Variants in SLC10A2 observed in about 807,000 individuals in gnomAD.
SLC10A2 encodes ileal sodium/bile acid cotransporter.
A neutral mutation model predicts 27.1 loss-of-function variants in SLC10A2; 34 were observed. The ratio of observed to expected loss-of-function variants is 1.26; its 90% confidence interval spans 0.96 to 1.67. The LOEUF (loss-of-function observed/expected upper bound fraction) is 1.67. Among genes scored for constraint, SLC10A2 ranks in the 40% most tolerant of loss-of-function variants. The probability of loss-of-function intolerance (pLI) is 0.00; values close to 1 mark genes in which losing one functional copy is unlikely to be tolerated. For missense variants in SLC10A2, 530 were observed against 444.4 expected (o/e 1.19, Z -1.73); for synonymous variants, 205 against 174.0 (o/e 1.18, Z -1.40).
intron 5 of SLC10A2, among the ~76,000 whole-genome samples, chr13:103,048,973 C>T (rs534732280): frequency 5.9e-5 from 9 of 152,290 alleles, no homozygotes; most frequent in Admixed American, 2.0e-4. Context: ...AGTTCCTGGG[C>T]GAATGCCAGA....
intron 4 of SLC10A2, among the ~76,000 whole-genome samples, chr13:103,050,101 A>G (rs1217471913): frequency 6.6e-6 from 1 of 152,208 alleles, no homozygotes; most frequent in Non-Finnish European, 1.5e-5. Context: ...GTGAGCTATG[A>G]TTGTGCCACT....
intron 4 of SLC10A2, among the ~76,000 whole-genome samples, chr13:103,050,228 A>T (rs1875735547): frequency 6.6e-6 from 1 of 152,204 alleles, no homozygotes; most frequent in East Asian, 1.9e-4. Flanking sequence ...TCTACAGATG[A>T]TAAAACTCAG....
intron 3 of SLC10A2, among the ~76,000 whole-genome samples, chr13:103,051,762 C>T (rs915595937): frequency 1.3e-5 from 2 of 152,208 alleles, no homozygotes; most frequent in Non-Finnish European, 2.9e-5. Context: ...CCAGATTCAA[C>T]TACTCCTATT....
intron 5 of SLC10A2, among the ~76,000 whole-genome samples, chr13:103,048,766 A>G (rs1298756868): frequency 6.6e-6 from 1 of 152,210 alleles, no homozygotes; most frequent in Non-Finnish European, 1.5e-5. Context: ...ACTTTACATA[A>G]GGAACATTTT....
intron 4 of SLC10A2, among the ~76,000 whole-genome samples, chr13:103,050,254 T>G (rs949998619): frequency 6.6e-6 from 1 of 152,216 alleles, no homozygotes; most frequent in Non-Finnish European, 1.5e-5. Flanking sequence ...GAGTGAATGC[T>G]GGGCCTGAGG....
intron 2 of SLC10A2, among the ~76,000 whole-genome samples, chr13:103,053,377 G>A (rs1875845484): frequency 6.6e-6 from 1 of 152,120 alleles, no homozygotes. Context: ...GAACTCTCAT[G>A]TAATTATAGT....
chr13:103,052,709 C>T lies in SLC10A2; in HGVS notation c.497-1G>A, dbSNP rs866975603. 1 of 1,576,326 alleles carries T rather than the reference C, an allele frequency of 6.3e-7. No individual in the cohort carries two copies. The highest frequency in any genetic ancestry group is 1.4e-5 in the African/African-American group (1 of 74,034). ...ACAACGAGAGAAACCAGAGATGTAC[C>T]TAAAGATGACAGAAGGGCAATGTGA... On this transcript the variant is annotated splice_acceptor_variant, in intron 2 of 5. Coordinates refer to ENST00000245312, the MANE Select transcript of SLC10A2 (RefSeq NM_000452.3). LOFTEE classifies it high-confidence loss of function.
chr13:103,054,857 T>C (rs145766141), intron 2 of SLC10A2, among the ~76,000 whole-genome samples: 1 of 152,248 alleles, frequency 6.6e-6, no homozygotes, highest in East Asian at 1.9e-4. Context: ...TCTTTCCCCA[T>C]GCTCTGTTTG....
intron 5 of SLC10A2, among the ~76,000 whole-genome samples, chr13:103,048,907 T>C (rs548825679): frequency 2.0e-5 from 3 of 152,212 alleles, no homozygotes; most frequent in Non-Finnish European, 4.4e-5. Context: ...CTGATAAATA[T>C]CCTATATTTA....
intron 2 of SLC10A2, among the ~76,000 whole-genome samples, chr13:103,057,663 G>C (rs1875978903): frequency 6.6e-6 from 1 of 152,128 alleles, no homozygotes; most frequent in African/African-American, 2.4e-5. Flanking sequence ...CAGATCACTT[G>C]AGGTCAGGAG....
intron 4 of SLC10A2, among the ~76,000 whole-genome samples, chr13:103,050,278 G>T (rs1457815982): frequency 6.6e-6 from 1 of 152,208 alleles, no homozygotes; most frequent in African/African-American, 2.4e-5. Context: ...CCCGGGCAGT[G>T]TGTGGTCGGA....
chr13:103,051,215 T>G lies in SLC10A2; in HGVS notation c.761+42A>C, dbSNP rs1350790927. 2.5e-6 allele frequency: 4 copies of G among 1,596,832 alleles called. No individual in the cohort carries two copies. The Admixed American group carries it at 6.7e-5, about 27-fold the overall frequency. On this transcript the variant is annotated intron_variant, in intron 4 of 5. Transcript: ENST00000245312. ...CTCTAGCAAAGGAATACAACAGATA[T>G]TACAGATTAAAATTCCCAATGTGAT...
chr13:103,058,504 T>C (rs1876009057), intron 1 of SLC10A2, 122 bp from the exon 2 acceptor site: 2 of 700,318 alleles, frequency 2.9e-6, no homozygotes, highest in Admixed American at 2.1e-5. Flanking sequence ...ATGTTTGTTA[T>C]ATAGGTCAAC....
intron 2 of SLC10A2, among the ~76,000 whole-genome samples, chr13:103,057,952 G>A (rs1260383792): frequency 1.5e-4 from 23 of 152,066 alleles, no homozygotes. Context: ...TGACACTCTG[G>A]GTTAAGGAAT....
intron 5 of SLC10A2, 61 bp downstream of exon 5, chr13:103,049,228 T>C (rs1875696941): frequency 1.3e-6 from 2 of 1,589,442 alleles, no homozygotes; most frequent in Admixed American, 1.7e-5. Context: ...AAAAATGTTG[T>C]TTTAGCAACT....
chr13:103,053,542 A>G (rs547720954), intron 2 of SLC10A2, among the ~76,000 whole-genome samples: 3 of 152,328 alleles, frequency 2.0e-5, no homozygotes, highest in South Asian at 2.1e-4. Context: ...TTTAGCACCA[A>G]CAACTTCTAA....
chr13:103,050,116 T>C (rs185709453), intron 4 of SLC10A2, among the ~76,000 whole-genome samples: 231 of 152,256 alleles, frequency 1.5e-3, no homozygotes, highest in Admixed American at 0.012. Context: ...GCCACTGGAC[T>C]CCAGCCTGGG....
intron 2 of SLC10A2, among the ~76,000 whole-genome samples, chr13:103,054,795 A>AG (rs1240027842): frequency 1.3e-5 from 2 of 152,062 alleles, no homozygotes; most frequent in African/African-American, 4.8e-5. Flanking sequence ...TTCTGCTTGT[A>AG]GAGGTGGATG....
At chr13:103,056,763 A>G (rs1459696008) in intron 2 of SLC10A2, among the ~76,000 whole-genome samples, 1 of 151,984 alleles carries the variant, frequency 6.6e-6, no homozygotes, top group Non-Finnish European at 1.5e-5. Flanking sequence ...GTTATATATG[A>G]TATTAAGGTT....
Sources: gnomAD v4.1 joint callset for allele counts (sites outside exome capture counted in the v4.1 genomes callset) on GRCh38, gnomAD v4.1.1 for gene constraint, MANE v1.5 for transcripts, NCBI Gene and HGNC (gene_info 2026-07-23, HGNC 2026-07-21) for gene names.